Variants in CDIP1 observed in about 807,000 individuals in gnomAD.
The protein encoded by CDIP1 is cell death inducing p53 target 1, also known as cell death-inducing p53-target protein 1.
CDIP1 carries 9 observed loss-of-function variants against 17.7 expected under a neutral mutation model. That is an observed-to-expected ratio of 0.51 (90% CI 0.31 to 0.89). The LOEUF (loss-of-function observed/expected upper bound fraction) is 0.89, where lower values mean the gene tolerates loss of function less well. Among genes scored for constraint, CDIP1 ranks in the 40% least tolerant of loss-of-function variants. The pLI, the probability that CDIP1 is intolerant of heterozygous loss-of-function variation, is 0.05. For missense variants in CDIP1, 263 were observed against 277.9 expected (o/e 0.95, Z 0.38); for synonymous variants, 117 against 109.5 (o/e 1.07, Z -0.43).
At chr16:4,536,742 G>C (rs192765307) in intron 1 of CDIP1, 35 of 139,982 alleles carry the variant, frequency 2.5e-4, no homozygotes, top group African/African-American at 8.6e-4. Context: ...TTAGAGACCA[G>C]CTGGGCAAAA....
chr16:4,528,977 G>A (rs1381611275), intron 1 of CDIP1, among the ~76,000 whole-genome samples: 4 of 152,118 alleles, frequency 2.6e-5, no homozygotes, highest in Admixed American at 6.6e-5. Flanking sequence ...CAACAAGAGC[G>A]AAACTCCATC....
At chr16:4,527,666 G>A (rs186697014) in intron 1 of CDIP1, among the ~76,000 whole-genome samples, 5 of 152,190 alleles carry the variant, frequency 3.3e-5, no homozygotes, top group Non-Finnish European at 7.4e-5. Context: ...CAATGTATTC[G>A]TTCTAGAGGT....
chr16:4,528,736 C>A (rs868279885), intron 1 of CDIP1, among the ~76,000 whole-genome samples: 1 of 145,408 alleles, frequency 6.9e-6, no homozygotes, highest in Middle Eastern at 3.5e-3. Flanking sequence ...CACCTATAAT[C>A]CCAGCACTTT....
chr16:4,513,935 A>G lies in CDIP1; in HGVS notation c.86-84T>C. ...ACCAGAGGCCACTGTTTTGGGACAC[A>G]GATGGGGCCCAGGGGTAACCCTGGA... On this transcript the variant is annotated intron_variant, in intron 3 of 5. Coordinates refer to ENST00000567695, the MANE Select transcript of CDIP1 (RefSeq NM_013399.3). The surrounding 1 kb of genome is among the most constrained non-coding windows in gnomAD (Gnocchi z 4.1). The G allele has an allele frequency of 7.0e-7, 1 of 1,420,644 alleles. No homozygotes were observed. The highest frequency in any genetic ancestry group is 9.5e-7 in the Non-Finnish European group (1 of 1,052,658). The allele number at this position is 1,420,644 out of a possible 1,614,324, so 88.0% of individuals were successfully genotyped here.
In CDIP1 at chr16:4,513,914, G is replaced by T; in HGVS notation, c.86-63C>A. 1 of 1,476,666 alleles carries T rather than the reference G, an allele frequency of 6.8e-7. No homozygotes were observed. The highest frequency in any genetic ancestry group is 9.1e-7 in the Non-Finnish European group (1 of 1,099,930). 91.5% of individuals were successfully genotyped at this position (1,476,666 alleles called of 1,614,324 possible). On this transcript the variant is annotated intron_variant, in intron 3 of 5. Transcript: ENST00000567695. This position sits in a 1 kb window ranked among gnomAD's most constrained non-coding sequence, Gnocchi z 4.1. ...AGCCTCTGCACGATGAGCTCGACCA[G>T]AGGCCACTGTTTTGGGACACAGATG...
chr16:4,537,719 G>A (rs908078302), intron 1 of CDIP1, among the ~76,000 whole-genome samples: 2 of 152,212 alleles, frequency 1.3e-5, no homozygotes, highest in Admixed American at 1.3e-4. Context: ...GAATCTGCCC[G>A]TTTCCCAAGA....
At chr16:4,515,335 TG>T (rs1411578285) in intron 1 of CDIP1, among the ~76,000 whole-genome samples, 2 of 152,094 alleles carry the variant, frequency 1.3e-5, no homozygotes, top group Non-Finnish European at 1.5e-5. Flanking sequence ...TAAAGTACCA[TG>T]GAAGTTTGAA....
Position 4,513,195 on chromosome 16 carries a change from C to T in CDIP1, c.242-131G>A. On this transcript the variant is annotated intron_variant, in intron 4 of 5. Transcript: ENST00000567695. This position sits in a 1 kb window ranked among gnomAD's most constrained non-coding sequence, Gnocchi z 4.1. ...GCTACGCCTCAGACCTCCTACCGCC[C>T]TCCTAACGGGCCAGTGGGAGGCCTT... is the stretch of plus-strand genomic sequence containing the variant. 1.0e-6 allele frequency: 1 copy of T among 958,186 alleles called. No homozygotes were observed. The highest frequency in any genetic ancestry group is 1.5e-6 in the Non-Finnish European group (1 of 664,354). The allele number at this position is 958,186 out of a possible 1,614,324, so 59.4% of individuals were successfully genotyped here.
At chr16:4,523,888 G>C (rs2058975278) in intron 1 of CDIP1, 1 of 152,350 alleles carries the variant, frequency 6.6e-6, no homozygotes, top group Non-Finnish European at 1.5e-5. Context: ...GTTTGTTCCA[G>C]AGCTCAAATA....
rs950142673 is a variant in CDIP1 at position 4,513,605 on chromosome 16, G to C, written c.241+91C>G. ...GGCGTGTTGGAGTCCCTGCCCTACA[G>C]CAGATGCCCACCTGTACTGAGGACA... On this transcript the variant is annotated intron_variant, in intron 4 of 5. Transcript: ENST00000567695. The surrounding 1 kb of genome is among the most constrained non-coding windows in gnomAD (Gnocchi z 4.1). The C allele has an allele frequency of 1.7e-6, 2 of 1,159,918 alleles. No homozygotes were observed. Among genetic ancestry groups the C allele is most frequent in the Admixed American group, 2.0e-5 (1 of 49,846 alleles). 71.9% of individuals were successfully genotyped at this position (1,159,918 alleles called of 1,614,324 possible).
intron 1 of CDIP1, among the ~76,000 whole-genome samples, chr16:4,518,908 G>A (rs1040986352): frequency 5.3e-5 from 8 of 152,194 alleles, no homozygotes; most frequent in Admixed American, 1.3e-4. Flanking sequence ...GAGGGAGGGG[G>A]CTAGGAGACC....
chr16:4,529,721 C>T (rs754565844), intron 1 of CDIP1, among the ~76,000 whole-genome samples: 12 of 152,218 alleles, frequency 7.9e-5, no homozygotes, highest in Admixed American at 1.3e-4. Context: ...TGAGCAGACA[C>T]AAAATGGACA....
At position 4,513,742 on chromosome 16, in the gene CDIP1, G is replaced by A; in HGVS notation, c.195C>T (p.Gly65=). The A allele has an allele frequency of 1.2e-6, 2 of 1,613,762 alleles. No homozygotes were observed. Among genetic ancestry groups the A allele is most frequent in the Non-Finnish European group, 1.7e-6 (2 of 1,179,788 alleles). The change falls in exon 4 of 6, where the codon GGC becomes GGT. Residue 65 remains glycine, a synonymous_variant. Transcript: ENST00000567695. This position sits in a 1 kb window ranked among gnomAD's most constrained non-coding sequence, Gnocchi z 4.1. The part of the protein sequence containing the change: ...EPPGHPMPQP[G]FIPPHMSADG... ...CTGCACTCATGTGTGGTGGGATGAAGCCAGGCTGGGGCATTGGGTGACCCG... is the reference window on the plus strand; with the variant it reads ...CTGCACTCATGTGTGGTGGGATGAAACCAGGCTGGGGCATTGGGTGACCCG...
chr16:4,531,655 C>T (rs944810828), intron 1 of CDIP1, among the ~76,000 whole-genome samples: 14 of 152,220 alleles, frequency 9.2e-5, no homozygotes, highest in African/African-American at 3.1e-4. Flanking sequence ...GTGGCTGCCC[C>T]GGGCACCCCA....
Position 4,512,916 on chromosome 16 carries a change from T to C in CDIP1, c.390A>G (p.Gly130=). The C allele has an allele frequency of 6.3e-7, 1 of 1,576,064 alleles. No individual in the cohort carries two copies. The highest frequency in any genetic ancestry group is 8.6e-7 in the Non-Finnish European group (1 of 1,160,882). The change falls in exon 5 of 6, where the codon GGA becomes GGG. Residue 130 remains glycine, a synonymous_variant. Coordinates refer to ENST00000567695, the MANE Select transcript of CDIP1 (RefSeq NM_013399.3). The surrounding 1 kb of genome is among the most constrained non-coding windows in gnomAD (Gnocchi z 4.6). ...GAATTVTVLQ[G]EIFEGAPVQT... is the part of the protein sequence containing the mutation. ...GCACAGGCGCTCCCTCAAAGATCTC[T>C]CCCTGCAGCACTGTCACCGTGGTGG... is the stretch of plus-strand genomic sequence containing the variant.
chr16:4,512,185 A>C lies in CDIP1; in HGVS notation c.*387T>G. ...GCCTGTGGCCACAGGCCTGGGGACT[A>C]ACTGGCTAACTGCTCTGGCTGCTGT... On this transcript the variant is annotated 3_prime_UTR_variant, in exon 6 of 6. Coordinates refer to ENST00000567695, the MANE Select transcript of CDIP1 (RefSeq NM_013399.3). The surrounding 1 kb of genome is among the most constrained non-coding windows in gnomAD (Gnocchi z 4.6). The C allele has an allele frequency of 4.0e-6, 1 of 247,560 alleles. No homozygotes were observed. Among genetic ancestry groups the C allele is most frequent in the Non-Finnish European group, 8.1e-6 (1 of 123,422 alleles). The allele number at this position is 247,560 out of a possible 1,614,324, so 15.3% of individuals were successfully genotyped here.
chr16:4,513,624 G>A lies in CDIP1; in HGVS notation c.241+72C>T. The stretch of plus-strand genomic sequence containing the variant: ...CCTACAGCAGATGCCCACCTGTACT[G>A]AGGACAGCCAGCGCAGGCCAGACAG... On this transcript the variant is annotated intron_variant, in intron 4 of 5. Transcript: ENST00000567695. This position sits in a 1 kb window ranked among gnomAD's most constrained non-coding sequence, Gnocchi z 4.1. 1.4e-6 allele frequency: 2 copies of A among 1,402,298 alleles called. No homozygotes were observed. Among genetic ancestry groups the A allele is most frequent in the African/African-American group, 1.4e-5 (1 of 70,850 alleles). 86.9% of individuals were successfully genotyped at this position (1,402,298 alleles called of 1,614,324 possible). A position where few individuals can be genotyped will look rare whatever the true frequency, so the allele number is the denominator to read the frequency against.
intron 1 of CDIP1, among the ~76,000 whole-genome samples, chr16:4,534,271 C>G (rs1596498380): frequency 6.6e-6 from 1 of 152,280 alleles, no homozygotes; most frequent in East Asian, 1.9e-4. Context: ...CATTCTTAAC[C>G]CAAAGGCCAC....
chr16:4,530,422 G>C (rs573355923), intron 1 of CDIP1, among the ~76,000 whole-genome samples: 36 of 152,324 alleles, frequency 2.4e-4, no homozygotes, highest in African/African-American at 8.7e-4. Context: ...GGCTGAGGCA[G>C]TCGGATCACT....
Sources: allele counts gnomAD v4.1 joint callset (sites outside exome capture counted in the v4.1 genomes callset), GRCh38; gene constraint gnomAD v4.1.1; non-coding constraint Gnocchi (gnomAD v3.1); transcripts MANE v1.5; gene names NCBI Gene and HGNC (gene_info 2026-07-23, HGNC 2026-07-21).